The following OR51A7 variants were observed in gnomAD, a reference collection of about 807,000 sequenced individuals.
The protein encoded by OR51A7 is olfactory receptor 51A7.
For missense variants in OR51A7, 409 were observed against 374.5 expected (o/e 1.09, Z -0.76); for synonymous variants, 143 against 135.5 (o/e 1.05, Z -0.38).
rs1244453067 is a variant in OR51A7, at chr11:4,907,589, T to C, written c.220T>C (p.Ser74Pro). The C allele has an allele frequency of 1.2e-6, 2 of 1,613,946 alleles. No homozygotes were observed. The highest frequency in any genetic ancestry group is 1.7e-6 in the Non-Finnish European group (2 of 1,179,848). ...AMLAVSDMGL[S>P]LSSLPTMLRV... ...GTTGGCTGTCTCTGACATGGGCCTG[T>C]CCCTCTCCTCCCTTCCTACCATGTT... The change falls in exon 2 of 2, where the codon TCC (serine) becomes CCC (proline). Residue 74 changes from serine (S) to proline (P), a missense_variant. Transcript: ENST00000641490.
intron 1 of OR51A7, among the ~76,000 whole-genome samples, chr11:4,904,734 A>G (rs1213849773): frequency 6.6e-6 from 1 of 152,070 alleles, no homozygotes; most frequent in Non-Finnish European, 1.5e-5. Flanking sequence ...AATGGACATC[A>G]ATATCCCTTA....
chr11:4,906,575 A>G (rs1850892523), intron 1 of OR51A7, among the ~76,000 whole-genome samples: 1 of 152,200 alleles, frequency 6.6e-6, no homozygotes. Context: ...ACTTTATAGC[A>G]TCTAATGACT....
rs1340656433 is a variant in OR51A7, at chr11:4,908,579, A to G, written c.*271A>G. Reference sequence around the variant, plus strand: ...GGAGCAGCTGGATTTGAGTCAACCCATAAAGAATGAATACAATTTGGGCAG... The same window carrying G: ...GGAGCAGCTGGATTTGAGTCAACCCGTAAAGAATGAATACAATTTGGGCAG... On this transcript the variant is annotated 3_prime_UTR_variant, in exon 2 of 2. Coordinates refer to ENST00000641490, the MANE Select transcript of OR51A7 (RefSeq NM_001004749.2). 4.2e-6 allele frequency: 2 copies of G among 478,202 alleles called. No homozygotes were observed. The highest frequency in any genetic ancestry group is 7.6e-6 in the Non-Finnish European group (2 of 262,562). The allele number at this position is 478,202 out of a possible 1,614,324, so 29.6% of individuals were successfully genotyped here.
chr11:4,906,736 T>C (rs2570578), intron 1 of OR51A7, among the ~76,000 whole-genome samples: 152,108 of 152,294 alleles, frequency 1, 75,962 homozygotes, highest in Middle Eastern at 1. Flanking sequence ...AGATTCTAAG[T>C]ATCTTTTTAC....
chr11:4,908,252 A>T lies in OR51A7; in HGVS notation c.883A>T (p.Thr295Ser). 6.2e-7 allele frequency: 1 copy of T among 1,614,060 alleles called. No individual in the cohort carries two copies. Among genetic ancestry groups the T allele is most frequent in the African/African-American group, 1.3e-5 (1 of 75,000 alleles). The change falls in exon 2 of 2, where the codon ACT becomes TCT. Residue 295 changes from threonine (T) to serine (S), a missense_variant. Thr to Ser is a moderately conservative substitution (Grantham distance 58). Transcript: ENST00000641490. Reference sequence around the variant, plus strand: ...GAACCCCATTGTGTACTGTGTAAAGACTCGACAAATCTGGGAGAAGATCTT... The same window carrying T: ...GAACCCCATTGTGTACTGTGTAAAGTCTCGACAAATCTGGGAGAAGATCTT... ...LMNPIVYCVK[T>S]RQIWEKILGK...
At chr11:4,907,246 T>C in intron 1 of OR51A7, 93 bp from the exon 2 acceptor site, 1 of 611,968 alleles carries the variant, frequency 1.6e-6, no homozygotes, top group East Asian at 2.7e-5. Flanking sequence ...CAGCCAAATA[T>C]GCCTTTGAGT....
chr11:4,907,016 A>T (rs1489863200), intron 1 of OR51A7, among the ~76,000 whole-genome samples: 1 of 143,598 alleles, frequency 7.0e-6, no homozygotes, highest in Non-Finnish European at 1.5e-5. Context: ...GAATCACTTG[A>T]TCGCGGGAGG....
intron 1 of OR51A7, among the ~76,000 whole-genome samples, chr11:4,907,095 T>TAAAAAAAAAAAA (rs3065178): frequency 0.14 from 7,802 of 54,412 alleles, 1,328 homozygotes; most frequent in Non-Finnish European, 0.21. Flanking sequence ...AAACTCCCTC[T>TAAAAAAAAAAAA]AAAAAAAAAA....
At position 4,908,384 on chromosome 11, in the gene OR51A7, A is replaced by T. The variant is rs753173559; in HGVS notation, c.*76A>T. The T allele has an allele frequency of 8.1e-7, 1 of 1,227,146 alleles. No individual in the cohort carries two copies. The highest frequency in any genetic ancestry group is 1.2e-5 in the South Asian group (1 of 81,850). 76.0% of individuals were successfully genotyped at this position (1,227,146 alleles called of 1,614,324 possible). On this transcript the variant is annotated 3_prime_UTR_variant, in exon 2 of 2. Transcript: ENST00000641490. ...ATTTGCTATGTGCTTAATGCCATAG[A>T]AGTCACTAATGAAGGACTGGATGAT... is the stretch of plus-strand genomic sequence containing the variant.
In OR51A7 at chr11:4,907,466, C is replaced by A; in HGVS notation, c.97C>A (p.Leu33Ile). 1 of 1,613,936 alleles carries A rather than the reference C, an allele frequency of 6.2e-7. No individual in the cohort carries two copies. The highest frequency in any genetic ancestry group is 8.5e-7 in the Non-Finnish European group (1 of 1,179,914). ...CATTTGGTTCTCCATCCCCATTTGC[C>A]TCATGTACCTGCTTGCCATCATGGG... ...AHIWFSIPICLMYLLAIMGNC... is the reference protein window; with the variant it reads ...AHIWFSIPICIMYLLAIMGNC... The change falls in exon 2 of 2, where the codon CTC (leucine) becomes ATC (isoleucine). Residue 33 changes from leucine to isoleucine, a missense_variant. Physicochemically the swap from Leu to Ile is conservative, Grantham distance 5 (BLOSUM62 2). Transcript: ENST00000641490.
At position 4,907,405 on chromosome 11, in the gene OR51A7, C is replaced by T. The variant is rs867579601; in HGVS notation, c.36C>T (p.Phe12=). Residue 12 remains phenylalanine (F), a synonymous_variant, in exon 2 of 2, where the codon TTC becomes TTT. Coordinates refer to ENST00000641490, the MANE Select transcript of OR51A7 (RefSeq NM_001004749.2). The stretch of plus-strand genomic sequence containing the variant: ...TCAATAACTCCGAAGTCAAGCTTTT[C>T]CTTCTGATTGGGATCCCAGGACTGG... ...SVLNNSEVKL[F]LLIGIPGLEH... 6.2e-7 allele frequency: 1 copy of T among 1,613,806 alleles called. No individual in the cohort carries two copies. The highest frequency in any genetic ancestry group is 8.5e-7 in the Non-Finnish European group (1 of 1,179,880).
chr11:4,907,027 T>C (rs2595979), intron 1 of OR51A7, among the ~76,000 whole-genome samples: 149,250 of 149,340 alleles, frequency 1, 74,580 homozygotes, highest in Middle Eastern at 1. Flanking sequence ...TCGCGGGAGG[T>C]GGAGGTTGCA....
chr11:4,907,178 G>A (rs1850908261), intron 1 of OR51A7, among the ~76,000 whole-genome samples, 161 bp from the exon 2 acceptor site: 1 of 150,824 alleles, frequency 6.6e-6, no homozygotes, highest in South Asian at 2.1e-4. Flanking sequence ...TTACCATGCT[G>A]GAGAATATGA....
At position 4,907,928 on chromosome 11, in the gene OR51A7, C is replaced by T. The variant is rs773678445; in HGVS notation, c.559C>T (p.Leu187=). The change falls in exon 2 of 2, where the codon CTG becomes TTG. Residue 187 remains leucine (L), a synonymous_variant. Coordinates refer to ENST00000641490, the MANE Select transcript of OR51A7 (RefSeq NM_001004749.2). ...CTGTCTTCATCAGGATACCATGAAGCTGGCCTGCTCTGACAACAAGACCAA... is the reference window on the plus strand; with the variant it reads ...CTGTCTTCATCAGGATACCATGAAGTTGGCCTGCTCTGACAACAAGACCAA... ...SYCLHQDTMK[L]ACSDNKTNVI... The T allele has an allele frequency of 1.7e-5, 28 of 1,613,930 alleles. No individual in the cohort carries two copies. The highest frequency in any genetic ancestry group is 2.2e-5 in the Non-Finnish European group (26 of 1,179,978).
Position 4,908,683 on chromosome 11 carries a change from G to T in OR51A7, c.*375G>T. ...TCTAATCTCATACTGTCAAGGAAAG[G>T]TAAAATAGCTATGAAGGATGCTGAT... On this transcript the variant is annotated 3_prime_UTR_variant, in exon 2 of 2. Coordinates refer to ENST00000641490, the MANE Select transcript of OR51A7 (RefSeq NM_001004749.2). 3.7e-6 allele frequency: 1 copy of T among 272,884 alleles called. No homozygotes were observed. Among genetic ancestry groups the T allele is most frequent in the South Asian group, 4.4e-5 (1 of 22,680 alleles). 16.9% of individuals were successfully genotyped at this position (272,884 alleles called of 1,614,324 possible).
At chr11:4,905,590 GTCT>G (rs995773107) in intron 1 of OR51A7, among the ~76,000 whole-genome samples, 29 of 152,140 alleles carry the variant, frequency 1.9e-4, no homozygotes, top group African/African-American at 6.5e-4. Context: ...AGGATAGCTT[GTCT>G]TCTTCTCTCT....
Position 4,907,479 on chromosome 11 carries a change from T to A in OR51A7, c.110T>A (p.Leu37His). ...ATCCCCATTTGCCTCATGTACCTGC[T>A]TGCCATCATGGGCAACTGCACCATT... ...FSIPICLMYLLAIMGNCTILF... is the reference protein window; with the variant it reads ...FSIPICLMYLHAIMGNCTILF... Residue 37 changes from leucine to histidine, a missense_variant, in exon 2 of 2, where the codon CTT becomes CAT. By Grantham distance (99) the Leu-to-His change is moderately conservative. Coordinates refer to ENST00000641490, the MANE Select transcript of OR51A7 (RefSeq NM_001004749.2). 6.2e-7 allele frequency: 1 copy of A among 1,613,976 alleles called. No individual in the cohort carries two copies. The highest frequency in any genetic ancestry group is 8.5e-7 in the Non-Finnish European group (1 of 1,179,916).
chr11:4,904,523 C>T (rs980381251), intron 1 of OR51A7, among the ~76,000 whole-genome samples: 1 of 152,090 alleles, frequency 6.6e-6, no homozygotes, highest in African/African-American at 2.4e-5. Context: ...TACTGCTCCT[C>T]AGGGTTCTAT....
At position 4,908,134 on chromosome 11, in the gene OR51A7, C is replaced by T; in HGVS notation, c.765C>T (p.Ile255=). 1 of 1,614,200 alleles carries T rather than the reference C, an allele frequency of 6.2e-7. No individual in the cohort carries two copies. The highest frequency in any genetic ancestry group is 8.5e-7 in the Non-Finnish European group (1 of 1,180,030). Residue 255 remains isoleucine, a synonymous_variant, in exon 2 of 2, where the codon ATC becomes ATT. Coordinates refer to ENST00000641490, the MANE Select transcript of OR51A7 (RefSeq NM_001004749.2). ...CAVLTFYVPI[I]TLAAMHHFAK... ...TGCTCACCTTCTATGTGCCCATCAT[C>T]ACCCTGGCTGCCATGCATCACTTTG...
Sources: gnomAD v4.1 joint callset for allele counts (sites outside exome capture counted in the v4.1 genomes callset) on GRCh38, gnomAD v4.1.1 for gene constraint, MANE v1.5 for transcripts, NCBI Gene and HGNC (gene_info 2026-07-23, HGNC 2026-07-21) for gene names.